Variants in GRIP2 observed in about 807,000 individuals in gnomAD.
GRIP2 encodes the protein glutamate receptor interacting protein 2.
Under a neutral mutation model 108.3 loss-of-function variants are expected in GRIP2, and 58 were observed. The ratio of observed to expected loss-of-function variants is 0.54; its 90% CI spans 0.43 to 0.67. GRIP2 has a LOEUF of 0.67. Among genes scored for constraint, GRIP2 ranks in the 30% least tolerant of loss-of-function variants. GRIP2 has a pLI of 0.00. For missense variants in GRIP2, 1,278 were observed against 1,430.6 expected, an observed-to-expected ratio of 0.89 and a Z score of 1.72; for synonymous variants, 586 against 598.2, an observed-to-expected ratio of 0.98 and a Z score of 0.30.
At chr3:14,595,196 C>A in the GRIP2 span, among the ~76,000 whole-genome samples, 1 of 152,062 alleles carries the variant, frequency 6.6e-6, no homozygotes, top group Non-Finnish European at 1.5e-5. Flanking sequence ...CCACACCCAG[C>A]TAATTTTTGT....
chr3:14,494,899 G>A lies in GRIP2; in HGVS notation c.2914C>T (p.Arg972Cys), dbSNP rs1341490233. 10 of 1,613,750 alleles carry A rather than the reference G, an allele frequency of 6.2e-6. No homozygotes were observed. Among genetic ancestry groups the A allele is most frequent in the African/African-American group, 1.3e-5 (1 of 74,918 alleles). The change falls in exon 23 of 24, where the codon CGC becomes TGC. Residue 972 changes from arginine (R) to cysteine (C), a missense_variant. By Grantham distance (180) the Arg-to-Cys change is radical. Coordinates refer to ENST00000621039, the MANE Select transcript of GRIP2 (RefSeq NM_001080423.4). ...CCACGGTGGGCTGGCCCATCAGGGC[G>A]CACAGTGTGGACATAGACACCTTTT... ...LEKGVYVHTVRPDGPAHRGGL... is the reference protein window; with the variant it reads ...LEKGVYVHTVCPDGPAHRGGL...
At chr3:14,571,389 G>C in the GRIP2 span, among the ~76,000 whole-genome samples, 1 of 152,138 alleles carries the variant, frequency 6.6e-6, no homozygotes, top group African/African-American at 2.4e-5. Flanking sequence ...AGTCTATGAA[G>C]GTCGCAGTGG....
chr3:14,535,419 C>T (rs769428866), intron 1 of GRIP2, among the ~76,000 whole-genome samples: 1 of 152,138 alleles, frequency 6.6e-6, no homozygotes, highest in Non-Finnish European at 1.5e-5. Flanking sequence ...GCACAGAAAC[C>T]ATAAAACATG....
At chr3:14,573,247 A>C in the GRIP2 span, 6 of 1,407,954 alleles carry the variant, frequency 4.3e-6, no homozygotes, top group Non-Finnish European at 2.0e-6. Flanking sequence ...AGGATGCCAA[A>C]CTGGGAGCCA....
the GRIP2 span, among the ~76,000 whole-genome samples, chr3:14,584,692 C>T: frequency 5.3e-5 from 8 of 152,102 alleles, no homozygotes; most frequent in African/African-American, 7.2e-5. Context: ...TGCCCAGGCT[C>T]GCACAGCAAA....
intron 1 of GRIP2, among the ~76,000 whole-genome samples, chr3:14,528,894 T>C (rs1284021243): frequency 6.6e-6 from 1 of 152,200 alleles, no homozygotes; most frequent in African/African-American, 2.4e-5. Context: ...TTTTCATATA[T>C]TCCGGATACA....
At chr3:14,567,523 C>T in the GRIP2 span, among the ~76,000 whole-genome samples, 1 of 152,158 alleles carries the variant, frequency 6.6e-6, no homozygotes, top group Non-Finnish European at 1.5e-5. Context: ...AGGATGATGC[C>T]ACCACTCCAG....
chr3:14,538,259 CA>C (rs1694880988), intron 1 of GRIP2, among the ~76,000 whole-genome samples: 1 of 152,156 alleles, frequency 6.6e-6, no homozygotes, highest in South Asian at 2.1e-4. Context: ...TTACCAGCAA[CA>C]GGGGAGGTCA....
intron 1 of GRIP2, among the ~76,000 whole-genome samples, chr3:14,533,838 G>A (rs374884453): frequency 1.5e-4 from 23 of 152,188 alleles, no homozygotes; most frequent in East Asian, 5.8e-4. Flanking sequence ...ATTTTTGGCC[G>A]GTTTGGGGTT....
chr3:14,543,127 G>T (rs1304570332), upstream of GRIP2, among the ~76,000 whole-genome samples: 2 of 152,232 alleles, frequency 1.3e-5, no homozygotes, highest in African/African-American at 4.8e-5. Context: ...AATCCCACAT[G>T]ACTAAGTGAG....
At chr3:14,509,291 GA>G (rs574876047) in intron 17 of GRIP2, among the ~76,000 whole-genome samples, 2 of 152,222 alleles carry the variant, frequency 1.3e-5, no homozygotes, top group Non-Finnish European at 2.9e-5. Flanking sequence ...CAGCTCGGGG[GA>G]GAAGGCTCGG....
the GRIP2 span, among the ~76,000 whole-genome samples, chr3:14,585,585 CAG>C: frequency 6.6e-6 from 1 of 152,194 alleles, no homozygotes; most frequent in Non-Finnish European, 1.5e-5. Flanking sequence ...TCAGAGGAAA[CAG>C]ACGTGAGCTG....
intron 1 of GRIP2, among the ~76,000 whole-genome samples, chr3:14,537,227 C>T (rs1340312441): frequency 3.3e-5 from 5 of 152,208 alleles, no homozygotes; most frequent in Non-Finnish European, 7.3e-5. Flanking sequence ...GCCCACAAAA[C>T]TCTTCCCCAG....
chr3:14,496,195 C>T (rs1464665663), intron 22 of GRIP2, among the ~76,000 whole-genome samples: 1 of 151,862 alleles, frequency 6.6e-6, no homozygotes, highest in Non-Finnish European at 1.5e-5. Flanking sequence ...AAAAAAAGCA[C>T]ATCTACTTAA....
At chr3:14,575,631 C>T in the GRIP2 span, among the ~76,000 whole-genome samples, 3 of 152,216 alleles carry the variant, frequency 2.0e-5, no homozygotes, top group African/African-American at 7.2e-5. Flanking sequence ...GGTGGGAGCT[C>T]GTCACTAGTC....
chr3:14,583,128 G>A, the GRIP2 span, among the ~76,000 whole-genome samples: 11 of 152,176 alleles, frequency 7.2e-5, no homozygotes, highest in African/African-American at 2.7e-4. Flanking sequence ...CCCCTCTCCA[G>A]CTTTCTTTCG....
At chr3:14,573,331 A>G in the GRIP2 span, 1 of 1,404,672 alleles carries the variant, frequency 7.1e-7, no homozygotes, top group Non-Finnish European at 1.0e-6. Flanking sequence ...CTCAGCAGGT[A>G]GATGATGGCT....
chr3:14,514,897 T>A (rs1005912571), intron 11 of GRIP2, among the ~76,000 whole-genome samples: 2 of 152,176 alleles, frequency 1.3e-5, no homozygotes, highest in African/African-American at 2.4e-5. Context: ...AATTCAGTGG[T>A]TTTTAGTGTA....
chr3:14,494,689 T>G (rs1414232124), intron 23 of GRIP2, among the ~76,000 whole-genome samples, 154 bp downstream of exon 23: 1 of 152,184 alleles, frequency 6.6e-6, no homozygotes, highest in Non-Finnish European at 1.5e-5. Context: ...CCTCTGAGGC[T>G]GAGGGTGCTG....
Sources: allele counts gnomAD v4.1 joint callset (sites outside exome capture counted in the v4.1 genomes callset), GRCh38; gene constraint gnomAD v4.1.1; transcripts MANE v1.5; gene names NCBI Gene and HGNC (gene_info 2026-07-23, HGNC 2026-07-21).